The following PKHD1L1 variants were observed in gnomAD, a reference collection of about 807,000 sequenced individuals.
The protein encoded by PKHD1L1 is PKHD1 like 1.
Under a neutral mutation model 462.9 loss-of-function variants are expected in PKHD1L1, and 434 were observed. The ratio of observed to expected loss-of-function variants is 0.94; its 90% CI spans 0.87 to 1.02. PKHD1L1 has a LOEUF of 1.02. Among genes scored for constraint, PKHD1L1 ranks in the 50% least tolerant of loss-of-function variants. The pLI is 0.00. For missense variants in PKHD1L1, 5,202 were observed against 5,096.1 expected, an observed-to-expected ratio of 1.02 and a Z score of -0.63; for synonymous variants, 1,781 against 1,750.0, an observed-to-expected ratio of 1.02 and a Z score of -0.44.
intron 5 of PKHD1L1, among the ~76,000 whole-genome samples, chr8:109,385,085 C>A (rs995347246): frequency 6.6e-6 from 1 of 151,456 alleles, no homozygotes; most frequent in Non-Finnish European, 1.5e-5. Context: ...GTTGTTTTTT[C>A]TTCATTTTTA....
intron 1 of PKHD1L1, among the ~76,000 whole-genome samples, chr8:109,363,714 C>G (rs535649397): frequency 6.6e-6 from 1 of 152,130 alleles, no homozygotes; most frequent in Non-Finnish European, 1.5e-5. Context: ...CCTGTTTGCC[C>G]GGGCAGTTCC....
chr8:109,404,517 G>T, intron 14 of PKHD1L1, 37 bp from the exon 15 acceptor site: 1 of 1,326,818 alleles, frequency 7.5e-7, no homozygotes, highest in Non-Finnish European at 1.0e-6. Context: ...AAGTGTTCTG[G>T]AAAAAAGTTA....
chr8:109,371,857 G>A (rs1327902560), intron 2 of PKHD1L1, among the ~76,000 whole-genome samples: 1 of 152,022 alleles, frequency 6.6e-6, no homozygotes, highest in Non-Finnish European at 1.5e-5. Context: ...TGTTCCATTG[G>A]TCTATATCTC....
chr8:109,363,891 C>T (rs1012939926), intron 1 of PKHD1L1, among the ~76,000 whole-genome samples: 1 of 152,200 alleles, frequency 6.6e-6, no homozygotes, highest in African/African-American at 2.4e-5. Flanking sequence ...TCTCCTCTGT[C>T]TCTTGGTACT....
chr8:109,444,914 C>A lies in PKHD1L1; in HGVS notation c.5045C>A (p.Ser1682Tyr), dbSNP rs757560827. 6.2e-6 allele frequency: 10 copies of A among 1,613,908 alleles called. No individual in the cohort carries two copies. The highest frequency in any genetic ancestry group is 8.5e-6 in the Non-Finnish European group (10 of 1,179,898). Residue 1682 changes from serine (S) to tyrosine (Y), a missense_variant, in exon 38 of 78, where the codon TCT becomes TAT. Physicochemically the swap from Ser to Tyr is moderately radical, Grantham distance 144. Coordinates refer to ENST00000378402, the MANE Select transcript of PKHD1L1 (RefSeq NM_177531.6). ...TGMTSVTIKG[S>Y]GFAVSSAGVK... Reference sequence around the variant, plus strand: ...ATGACAAGCGTGACCATAAAAGGCTCTGGATTTGCCGTTTCTTCTGCAGGT... The same window carrying A: ...ATGACAAGCGTGACCATAAAAGGCTATGGATTTGCCGTTTCTTCTGCAGGT...
At position 109,444,835 on chromosome 8, in the gene PKHD1L1, G is replaced by A. The variant is rs544383505; in HGVS notation, c.4966G>A (p.Val1656Ile). ...GTCCAATGAATTTGATAGGCGATTT[G>A]TACTTTTGCCAAACATTGACCTGGT... ...TLSNEFDRRFVLLPNIDLVLP... is the reference protein window; with the variant it reads ...TLSNEFDRRFILLPNIDLVLP... The change falls in exon 38 of 78, where the codon GTA becomes ATA. Residue 1656 changes from valine to isoleucine, a missense_variant. Val to Ile is a conservative substitution (Grantham distance 29). This residue lies in a region of PKHD1L1 where 4,497 missense variants were observed against 4,336.8 expected (regional missense o/e 1.04). Coordinates refer to ENST00000378402, the MANE Select transcript of PKHD1L1 (RefSeq NM_177531.6). The A allele has an allele frequency of 2.3e-4, 365 of 1,613,984 alleles. 4 individuals carry two copies. In the South Asian group the frequency reaches 3.8e-3, roughly 17 times the overall value.
At chr8:109,386,455 T>A (rs1812446812) in intron 6 of PKHD1L1, among the ~76,000 whole-genome samples, 1 of 152,166 alleles carries the variant, frequency 6.6e-6, no homozygotes, top group South Asian at 2.1e-4. Flanking sequence ...ATTTTTTGAA[T>A]GCTGTAAAGG....
chr8:109,363,110 A>G (rs1400506968), intron 1 of PKHD1L1, among the ~76,000 whole-genome samples: 3 of 152,152 alleles, frequency 2.0e-5, no homozygotes, highest in Admixed American at 6.5e-5. Flanking sequence ...AGTCATTTCC[A>G]GGGGCAGCTG....
rs377191102 is a variant in PKHD1L1, at chr8:109,428,702, A to G, written c.3001-638A>G. On this transcript the variant is annotated intron_variant, in intron 25 of 77. Transcript: ENST00000378402. ...TCTAATCAGTCTCTTCTGCTTATTC[A>G]TTGTTTCTGTTCCATATCATTTGGC... Among the ~76,000 whole-genome samples, 8 of 152,142 alleles carry G rather than the reference A, an allele frequency of 5.3e-5. No homozygotes were observed. The South Asian group carries it at 1.7e-3, about 32-fold the overall frequency.
intron 23 of PKHD1L1, among the ~76,000 whole-genome samples, chr8:109,423,283 A>G (rs73319437): frequency 0.09 from 13,640 of 152,030 alleles, 2,094 homozygotes; most frequent in African/African-American, 0.31. Context: ...ATTTAAGGGC[A>G]TGATCCATTT....
chr8:109,508,098 A>G lies in PKHD1L1; in HGVS notation c.11229A>G (p.Gly3743=). Residue 3743 remains glycine (G), a splice_region_variant and synonymous_variant, in exon 70 of 78, where the codon GGA becomes GGG. Transcript: ENST00000378402. ...IPVTEKAPHK[G]IIRDSTCKYL... is the part of the protein sequence containing the mutation. ...AAATATATATACATATGTTTCTAGG[A>G]ATTATTAGAGATTCAACCTGTAAGT... 6.3e-7 allele frequency: 1 copy of G among 1,598,756 alleles called. No individual in the cohort carries two copies. The highest frequency in any genetic ancestry group is 1.1e-5 in the South Asian group (1 of 87,956).
At chr8:109,498,103 T>C (rs1819209949) in intron 65 of PKHD1L1, among the ~76,000 whole-genome samples, 1 of 79,238 alleles carries the variant, frequency 1.3e-5, no homozygotes, top group Non-Finnish European at 2.5e-5. Flanking sequence ...TTTTTTTTTT[T>C]TTTTTTTTTG....
intron 17 of PKHD1L1, among the ~76,000 whole-genome samples, chr8:109,406,965 GT>G (rs1813586587): frequency 6.6e-6 from 1 of 151,890 alleles, no homozygotes; most frequent in African/African-American, 2.4e-5. Context: ...CAATTTACCT[GT>G]GTTTAATGCA....
At chr8:109,379,247 C>G (rs115284012) in intron 2 of PKHD1L1, among the ~76,000 whole-genome samples, 1 of 152,154 alleles carries the variant, frequency 6.6e-6, no homozygotes, top group East Asian at 1.9e-4. Flanking sequence ...GAACAGAGAT[C>G]GACTGCTACC....
intron 53 of PKHD1L1, 101 bp downstream of exon 53, chr8:109,477,497 A>G (rs972736589): frequency 5.3e-6 from 6 of 1,131,442 alleles, no homozygotes; most frequent in African/African-American, 3.2e-5. Context: ...CTCTTGCACA[A>G]TGTCTTGTAG....
intron 67 of PKHD1L1, 144 bp downstream of exon 67, chr8:109,498,915 ATCAGAG>A: frequency 7.0e-6 from 5 of 714,600 alleles, no homozygotes; most frequent in East Asian, 2.7e-5. Context: ...GAAATCAGAC[ATCAGAG>A]TCAATTTTGA....
At chr8:109,526,274 G>C (rs1820810135) in intron 76 of PKHD1L1, among the ~76,000 whole-genome samples, 1 of 152,166 alleles carries the variant, frequency 6.6e-6, no homozygotes, top group Non-Finnish European at 1.5e-5. Context: ...CATGGTAAAA[G>C]TTTTTTGAAT....
chr8:109,437,756 A>G (rs1328053285), intron 30 of PKHD1L1, among the ~76,000 whole-genome samples: 1 of 152,096 alleles, frequency 6.6e-6, no homozygotes, highest in Non-Finnish European at 1.5e-5. Flanking sequence ...TTTGTTTACA[A>G]TATGTCATTT....
Position 109,526,784 on chromosome 8 carries a change from G to GA in PKHD1L1, c.12491dup (p.Asn4164LysfsTer3), listed in dbSNP as rs777196555. The GA allele has an allele frequency of 1.9e-4, 292 of 1,534,324 alleles. 1 individual carries two copies. Among genetic ancestry groups the GA allele is most frequent in the South Asian group, 2.7e-4 (22 of 81,040 alleles). ...ACACTATGATGCTTTTTTTTTCCAGGAAAAAATTATAAGATTGAATTTATA... is the reference window on the plus strand; with the variant it reads ...ACACTATGATGCTTTTTTTTTCCAGGAAAAAAATTATAAGATTGAATTTATA... On this transcript the variant is annotated frameshift_variant and splice_region_variant, in exon 77 of 78. Transcript: ENST00000378402. LOFTEE classifies it high-confidence loss of function.
Sources: gnomAD v4.1 joint callset for allele counts (sites outside exome capture counted in the v4.1 genomes callset) on GRCh38, gnomAD v4.1.1 for gene constraint, gnomAD v4.1.1 regional missense constraint, MANE v1.5 for transcripts, NCBI Gene and HGNC (gene_info 2026-07-23, HGNC 2026-07-21) for gene names.